APBB1IP: variants seen among roughly 807,000 people sequenced by gnomAD.
APBB1IP encodes amyloid beta precursor protein binding family B member 1 interacting protein, also known as amyloid beta A4 precursor protein-binding family B member 1-interacting protein.
APBB1IP carries 27 observed loss-of-function variants against 64.9 expected under a neutral mutation model. The observed-to-expected ratio is 0.42, with a 90% CI of 0.31 to 0.57. The LOEUF is 0.57. APBB1IP is among the 20% of genes least tolerant of loss of function. APBB1IP has a pLI of 0.20. For synonymous variants in APBB1IP, 392 were observed against 331.0 expected (o/e 1.18, Z -2.00); for missense variants, 812 against 845.5 (o/e 0.96, Z 0.49).
intron 2 of APBB1IP, among the ~76,000 whole-genome samples, chr10:26,477,868 G>A (rs1835792984): frequency 6.6e-6 from 1 of 152,162 alleles, no homozygotes; most frequent in Non-Finnish European, 1.5e-5. Flanking sequence ...GTAGCTAGGT[G>A]CATGCCACCA....
At chr10:26,564,696 C>T (rs939620059) in intron 14 of APBB1IP, among the ~76,000 whole-genome samples, 8 of 151,828 alleles carry the variant, frequency 5.3e-5, no homozygotes, top group African/African-American at 9.7e-5. Context: ...CCAGCTAATC[C>T]GGAGGCTGAG....
intron 11 of APBB1IP, among the ~76,000 whole-genome samples, chr10:26,556,652 A>G (rs1375291740): frequency 6.6e-6 from 1 of 152,232 alleles, no homozygotes; most frequent in Non-Finnish European, 1.5e-5. Flanking sequence ...CTAACTCTAT[A>G]TAAGCAGTTG....
intron 2 of APBB1IP, among the ~76,000 whole-genome samples, chr10:26,474,546 A>AATTAACATGTT (rs1440629764): frequency 6.6e-6 from 1 of 152,252 alleles, no homozygotes; most frequent in East Asian, 1.9e-4. Flanking sequence ...TTAATTAGCT[A>AATTAACATGTT]GAACTAAGCA....
chr10:26,557,349 T>G (rs888971405), intron 11 of APBB1IP, among the ~76,000 whole-genome samples: 3 of 152,234 alleles, frequency 2.0e-5, no homozygotes, highest in Non-Finnish European at 4.4e-5. Flanking sequence ...TCTGTGTTCC[T>G]GTTTGCTATG....
At chr10:26,546,618 G>A (rs985950321) in intron 11 of APBB1IP, among the ~76,000 whole-genome samples, 2 of 152,100 alleles carry the variant, frequency 1.3e-5, no homozygotes, top group African/African-American at 4.8e-5. Flanking sequence ...TTGCAGTAGT[G>A]TACCAGAACT....
Position 26,567,196 on chromosome 10 carries a change from C to T in APBB1IP, c.1709C>T (p.Pro570Leu). The change falls in exon 15 of 15, where the codon CCG becomes CTG. Residue 570 changes from proline (P) to leucine (L), a missense_variant. By Grantham distance (98) the Pro-to-Leu change is moderately conservative (BLOSUM62 -3). Coordinates refer to ENST00000376236, the MANE Select transcript of APBB1IP (RefSeq NM_019043.4). ...PPPLDDPELPPPPPDFMEPPP... is the reference protein window; with the variant it reads ...PPPLDDPELPLPPPDFMEPPP... Reference sequence around the variant, plus strand: ...CCCCTCGATGACCCTGAGCTCCCGCCGCCGCCCCCGGACTTCATGGAGCCG... The same window carrying T: ...CCCCTCGATGACCCTGAGCTCCCGCTGCCGCCCCCGGACTTCATGGAGCCG... The T allele has an allele frequency of 7.1e-7, 1 of 1,399,798 alleles. No homozygotes were observed. Among genetic ancestry groups the T allele is most frequent in the Non-Finnish European group, 9.3e-7 (1 of 1,080,844 alleles). The allele number at this position is 1,399,798 out of a possible 1,614,324, so 86.7% of individuals were successfully genotyped here.
intron 10 of APBB1IP, among the ~76,000 whole-genome samples, chr10:26,540,968 C>T (rs1328893974): frequency 6.6e-6 from 1 of 150,930 alleles, no homozygotes; most frequent in Non-Finnish European, 1.5e-5. Context: ...TCGCAAAATC[C>T]ATCACGGACT....
intron 11 of APBB1IP, among the ~76,000 whole-genome samples, chr10:26,555,345 T>G (rs898036655): frequency 6.6e-6 from 1 of 152,182 alleles, no homozygotes; most frequent in Admixed American, 6.5e-5. Context: ...AATTTCTGCT[T>G]CTTCATTCCA....
chr10:26,518,297 G>A (rs936247345), intron 8 of APBB1IP, among the ~76,000 whole-genome samples: 1 of 150,558 alleles, frequency 6.6e-6, no homozygotes, highest in Non-Finnish European at 1.5e-5. Flanking sequence ...ACCCAGGCTG[G>A]AATGCAGTGA....
intron 6 of APBB1IP, among the ~76,000 whole-genome samples, chr10:26,504,578 T>A (rs1395933329): frequency 6.6e-6 from 1 of 151,940 alleles, no homozygotes; most frequent in Non-Finnish European, 1.5e-5. Flanking sequence ...GACGCAGCGG[T>A]GTGCATCTGT....
At chr10:26,536,351 T>C in intron 10 of APBB1IP, 134 bp downstream of exon 10, 1 of 925,348 alleles carries the variant, frequency 1.1e-6, no homozygotes, top group Admixed American at 2.8e-5. Context: ...TGTATACAAA[T>C]AGGACAGTAT....
intron 2 of APBB1IP, among the ~76,000 whole-genome samples, chr10:26,457,443 C>T (rs1169260333): frequency 6.6e-6 from 1 of 152,162 alleles, no homozygotes; most frequent in African/African-American, 2.4e-5. Context: ...CCTGGCCTCA[C>T]CTTTGATTTT....
chr10:26,515,091 C>T (rs2132448436), intron 8 of APBB1IP, among the ~76,000 whole-genome samples: 1 of 150,394 alleles, frequency 6.6e-6, no homozygotes, highest in South Asian at 2.1e-4. Flanking sequence ...CCGTGTTGGC[C>T]AGGGTGATCT....
intron 2 of APBB1IP, among the ~76,000 whole-genome samples, chr10:26,460,201 C>T (rs916620674): frequency 2.0e-5 from 3 of 152,262 alleles, no homozygotes; most frequent in Non-Finnish European, 4.4e-5. Context: ...ATAAAACACC[C>T]TTCTTAGGAA....
At chr10:26,554,978 T>A (rs1372079127) in intron 11 of APBB1IP, among the ~76,000 whole-genome samples, 2 of 152,168 alleles carry the variant, frequency 1.3e-5, no homozygotes, top group Admixed American at 6.5e-5. Context: ...CAAATAAGGT[T>A]ACATTCATAG....
At chr10:26,485,259 A>G (rs1835878206) in intron 2 of APBB1IP, among the ~76,000 whole-genome samples, 1 of 152,242 alleles carries the variant, frequency 6.6e-6, no homozygotes, top group Non-Finnish European at 1.5e-5. Context: ...CGGCTCTGAT[A>G]GTTCTCGGAA....
intron 2 of APBB1IP, among the ~76,000 whole-genome samples, chr10:26,439,697 G>T (rs1835319295): frequency 6.6e-6 from 1 of 152,188 alleles, no homozygotes; most frequent in Admixed American, 6.5e-5. Flanking sequence ...CTTTTAATGT[G>T]ATCCTTGACG....
intron 2 of APBB1IP, among the ~76,000 whole-genome samples, chr10:26,473,925 G>A (rs1190893947): frequency 2.0e-5 from 3 of 149,072 alleles, no homozygotes; most frequent in Admixed American, 1.3e-4. Context: ...TTGCTTGAAC[G>A]CCGGAGGCAG....
chr10:26,545,612 T>C (rs1451090319), intron 11 of APBB1IP, among the ~76,000 whole-genome samples: 2 of 151,970 alleles, frequency 1.3e-5, no homozygotes, highest in African/African-American at 4.8e-5. Flanking sequence ...TACAAAAAAT[T>C]AGCCGGGCGT....
Sources: gnomAD v4.1 joint callset for allele counts (sites outside exome capture counted in the v4.1 genomes callset) on GRCh38, gnomAD v4.1.1 for gene constraint, MANE v1.5 for transcripts, NCBI Gene and HGNC (gene_info 2026-07-23, HGNC 2026-07-21) for gene names.